LRBA: variants seen among roughly 807,000 people sequenced by gnomAD.
The protein encoded by LRBA is lipopolysaccharide-responsive and beige-like anchor protein.
LRBA carries 176 observed loss-of-function variants against 330.0 expected under a neutral mutation model. The ratio of observed to expected loss-of-function variants is 0.53; its 90% CI spans 0.47 to 0.60. LRBA has a LOEUF of 0.60. LRBA is among the 20% of genes least tolerant of loss of function. The probability of loss-of-function intolerance (pLI) is 0.00; values close to 1 mark genes in which losing one functional copy is unlikely to be tolerated. For missense variants in LRBA, 3,259 were observed against 3,444.8 expected, an observed-to-expected ratio of 0.95 and a Z score of 1.35; for synonymous variants, 1,230 against 1,193.0, an observed-to-expected ratio of 1.03 and a Z score of -0.64.
At chr4:150,676,238 C>T (rs1224450298) in intron 37 of LRBA, among the ~76,000 whole-genome samples, 2 of 152,088 alleles carry the variant, frequency 1.3e-5, no homozygotes, top group Non-Finnish European at 1.5e-5. Context: ...TAGAGAAAGA[C>T]AACATTTTAA....
chr4:150,552,993 CG>C (rs1561340448), intron 40 of LRBA, among the ~76,000 whole-genome samples: 1 of 150,848 alleles, frequency 6.6e-6, no homozygotes, highest in African/African-American at 2.4e-5. Flanking sequence ...GGCATGAACC[CG>C]GGAAACGGAG....
intron 44 of LRBA, 52 bp from the exon 45 acceptor site, chr4:150,436,916 A>ATG (rs748174726): frequency 5.5e-5 from 84 of 1,523,224 alleles, no homozygotes; most frequent in Non-Finnish European, 7.4e-5. Context: ...ATCATCCTTC[A>ATG]TGTCTTCCTC....
intron 44 of LRBA, among the ~76,000 whole-genome samples, chr4:150,450,629 G>C (rs1363380030): frequency 1.3e-5 from 2 of 152,084 alleles, no homozygotes; most frequent in East Asian, 1.9e-4. Flanking sequence ...TTATGAATAA[G>C]GTCACATTCA....
chr4:150,676,691 A>C (rs1176168445), intron 37 of LRBA, among the ~76,000 whole-genome samples: 1 of 152,096 alleles, frequency 6.6e-6, no homozygotes, highest in Non-Finnish European at 1.5e-5. Context: ...TAAAACCATA[A>C]TATTTTCTCA....
intron 47 of LRBA, 109 bp from the exon 48 acceptor site, chr4:150,350,268 A>G (rs945580221): frequency 3.3e-6 from 3 of 919,804 alleles, no homozygotes; most frequent in Non-Finnish European, 4.7e-6. Flanking sequence ...GTGAACAAAG[A>G]TTTTTAAAAA....
At chr4:151,008,988 A>AAAAAAATATAT (rs1554018903) in intron 2 of LRBA, among the ~76,000 whole-genome samples, 1 of 5,524 alleles carries the variant, frequency 1.8e-4, no homozygotes, top group African/African-American at 4.7e-4. Flanking sequence ...AAAAAAAAAA[A>AAAAAAATATAT]ATATATATAT....
chr4:150,975,187 A>C (rs1010017915), intron 2 of LRBA, among the ~76,000 whole-genome samples: 10 of 152,246 alleles, frequency 6.6e-5, no homozygotes, highest in African/African-American at 2.4e-4. Context: ...CCATGGAAAG[A>C]GTTTAAAGCA....
intron 2 of LRBA, among the ~76,000 whole-genome samples, chr4:150,994,064 C>CA (rs538401022): frequency 0.018 from 1,518 of 82,176 alleles, 22 homozygotes; most frequent in Non-Finnish European, 0.029. Flanking sequence ...GACTCTGTCT[C>CA]AAAAAAAAAA....
chr4:150,988,585 AT>A (rs550500176), intron 2 of LRBA, among the ~76,000 whole-genome samples: 26 of 147,628 alleles, frequency 1.8e-4, no homozygotes, highest in East Asian at 3.9e-4. Flanking sequence ...AGAATATCAA[AT>A]TTTTTTTTTT....
At chr4:150,317,218 G>A (rs1185427670) in intron 50 of LRBA, among the ~76,000 whole-genome samples, 1 of 152,082 alleles carries the variant, frequency 6.6e-6, no homozygotes, top group African/African-American at 2.4e-5. Flanking sequence ...CTATTCTCCT[G>A]TGATTACCAT....
chr4:150,705,414 A>G (rs1157771545), intron 36 of LRBA, among the ~76,000 whole-genome samples: 4 of 152,094 alleles, frequency 2.6e-5, no homozygotes, highest in Admixed American at 2.6e-4. Context: ...CAAACCTTTA[A>G]AAGAGGGTAA....
chr4:150,718,525 A>C (rs535224145), intron 36 of LRBA, among the ~76,000 whole-genome samples: 1 of 152,248 alleles, frequency 6.6e-6, no homozygotes, highest in African/African-American at 2.4e-5. Context: ...GAACATGAGC[A>C]TACTTCAACC....
At chr4:151,003,345 C>G (rs1579464161) in intron 2 of LRBA, among the ~76,000 whole-genome samples, 1 of 126,936 alleles carries the variant, frequency 7.9e-6, no homozygotes, top group African/African-American at 3.0e-5. Context: ...TACAGTGAGC[C>G]AAAATCAAGC....
At chr4:150,424,013 G>A (rs972937766) in intron 46 of LRBA, among the ~76,000 whole-genome samples, 26 of 152,150 alleles carry the variant, frequency 1.7e-4, no homozygotes, top group African/African-American at 5.3e-4. Flanking sequence ...ATTGTATTTC[G>A]CTAACACAGA....
chr4:150,654,072 T>C lies in LRBA; in HGVS notation c.5921+29479A>G, dbSNP rs193277255. On this transcript the variant is annotated intron_variant, in intron 37 of 56. Coordinates refer to ENST00000651943, the MANE Select transcript of LRBA (RefSeq NM_001364905.1). ...TATGTAGTATATAATAGCAAATTAA[T>C]TTATTTCCTTTGGCTTCCAATTCAG... is the stretch of plus-strand genomic sequence containing the variant. 2.6e-3 allele frequency among the ~76,000 whole-genome samples: 403 copies of C among 152,324 alleles called. 1 individual carries two copies. Among genetic ancestry groups the C allele is most frequent in the Middle Eastern group, 6.8e-3 (2 of 294 alleles).
chr4:150,332,944 A>G (rs1024428914), intron 48 of LRBA, among the ~76,000 whole-genome samples: 2 of 152,172 alleles, frequency 1.3e-5, no homozygotes, highest in Non-Finnish European at 2.9e-5. Flanking sequence ...TGTGTATTCT[A>G]TAGTTTTTGT....
chr4:150,375,453 T>C lies in LRBA; in HGVS notation c.7195-25294A>G, dbSNP rs572195143. Among the ~76,000 whole-genome samples the C allele has an allele frequency of 9.9e-5, 15 of 152,140 alleles. No individual in the cohort carries two copies. The East Asian group carries it at 2.9e-3, about 29-fold the overall frequency. On this transcript the variant is annotated intron_variant, in intron 47 of 56. Transcript: ENST00000651943. ...ATCCAATTCCTCTTGAAACAGTCTC[T>C]CTACTTACTTTTTTTTTGTTTTGAG...
At chr4:150,475,669 G>A (rs1178708321) in intron 42 of LRBA, among the ~76,000 whole-genome samples, 1 of 151,848 alleles carries the variant, frequency 6.6e-6, no homozygotes, top group East Asian at 1.9e-4. Context: ...GGCTAAGGAG[G>A]GAGGATCACT....
chr4:150,874,355 A>G (rs1753773042), intron 17 of LRBA, among the ~76,000 whole-genome samples: 2 of 152,320 alleles, frequency 1.3e-5, no homozygotes, highest in African/African-American at 4.8e-5. Flanking sequence ...AGGGACCAAC[A>G]GCAGGATGCC....
Sources: allele counts gnomAD v4.1 joint callset (sites outside exome capture counted in the v4.1 genomes callset), GRCh38; gene constraint gnomAD v4.1.1; transcripts MANE v1.5; gene names NCBI Gene and HGNC (gene_info 2026-07-23, HGNC 2026-07-21).